The following TIAL1 variants were observed in gnomAD, a reference collection of about 807,000 sequenced individuals.
TIAL1 encodes the protein TIA1 cytotoxic granule associated RNA binding protein like 1.
TIAL1 carries 7 observed loss-of-function variants against 59.7 expected under a neutral mutation model. The observed-to-expected ratio is 0.12, with a 90% CI of 0.07 to 0.22. TIAL1 has a LOEUF of 0.22. TIAL1 is among the 10% of genes least tolerant of loss of function. The probability of loss-of-function intolerance (pLI) is 1.00; values close to 1 mark genes in which losing one functional copy is unlikely to be tolerated. For synonymous variants in TIAL1, 149 were observed against 146.3 expected, an observed-to-expected ratio of 1.02 and a Z score of -0.13; for missense variants, 225 against 462.5, an observed-to-expected ratio of 0.49 and a Z score of 4.71.
At position 119,574,464 on chromosome 10, in the gene TIAL1, A is replaced by G. The variant is rs1844861649; in HGVS notation, c.*1201T>C. 6.6e-6 allele frequency: 1 copy of G among 152,326 alleles called. No homozygotes were observed. The highest frequency in any genetic ancestry group is 6.6e-5 in the Admixed American group (1 of 15,228). 9.4% of individuals were successfully genotyped at this position (152,326 alleles called of 1,614,324 possible). A position where few individuals can be genotyped will look rare whatever the true frequency, so the allele number is the denominator to read the frequency against. On this transcript the variant is annotated 3_prime_UTR_variant, in exon 12 of 12. Transcript: ENST00000436547. The stretch of plus-strand genomic sequence containing the variant: ...TTAAAAAAATTCTTGGGCAAAATAT[A>G]TCTTAATTTTTAAAAACACCCCAAG...
chr10:119,596,593 T>C lies in TIAL1; in HGVS notation c.-128A>G. On this transcript the variant is annotated 5_prime_UTR_variant, in exon 1 of 12. Transcript: ENST00000436547. ...CAGAGGAAAAGGCACCGAACCCTGC[T>C]CTCGGGCTCTCTCCCCCCAGCCCGC... 1 of 705,174 alleles carries C rather than the reference T, an allele frequency of 1.4e-6. No homozygotes were observed. Among genetic ancestry groups the C allele is most frequent in the South Asian group, 1.8e-5 (1 of 55,120 alleles). 43.7% of individuals were successfully genotyped at this position (705,174 alleles called of 1,614,324 possible). A position where few individuals can be genotyped will look rare whatever the true frequency, so the allele number is the denominator to read the frequency against.
chr10:119,581,759 C>A, intron 5 of TIAL1, 163 bp downstream of exon 5: 1 of 545,908 alleles, frequency 1.8e-6, no homozygotes, highest in South Asian at 3.1e-5. Flanking sequence ...TTAACATTTT[C>A]AACAACATCC....
Position 119,588,157 on chromosome 10 carries a change from T to C in TIAL1, c.124A>G (p.Thr42Ala). The change falls in exon 2 of 12, where the codon ACA becomes GCA. Residue 42 changes from threonine (T) to alanine (A), a missense_variant. Thr to Ala is a moderately conservative substitution (Grantham distance 58). Around this residue, in one of 4 missense-constraint regions of TIAL1, gnomAD observed 39 missense variants for 59.5 expected, o/e 0.66. Coordinates refer to ENST00000436547, the MANE Select transcript of TIAL1 (RefSeq NM_003252.4). ...IGPCKSCKMI[T>A]EHTSNDPYCF... Reference sequence around the variant, plus strand: ...TGGAACTGGGAAGATCTTACCTCTGTTATCATTTTACAGCTTTTACAGGGT... The same window carrying C: ...TGGAACTGGGAAGATCTTACCTCTGCTATCATTTTACAGCTTTTACAGGGT... 6.4e-7 allele frequency: 1 copy of C among 1,559,674 alleles called. No homozygotes were observed.
chr10:119,587,153 T>C (rs1845607512), intron 2 of TIAL1, among the ~76,000 whole-genome samples: 2 of 152,228 alleles, frequency 1.3e-5, no homozygotes, highest in African/African-American at 4.8e-5. Flanking sequence ...AGTTCTCCGT[T>C]TCAGGATAAA....
At chr10:119,590,204 C>A (rs1264664869) in intron 1 of TIAL1, among the ~76,000 whole-genome samples, 2 of 152,196 alleles carry the variant, frequency 1.3e-5, no homozygotes, top group African/African-American at 4.8e-5. Context: ...AAGTGACAAA[C>A]TGTTTTACGT....
rs869281288 is a variant in TIAL1 at position 119,588,351 on chromosome 10, CTTT to C, written c.33-106_33-104del. ...CTTTTCTTTCTTTCTTTCTTTCTTTCTTTTTTTTTTAGATGGAGTTTTGCTCTT... is the reference window on the plus strand; with the variant it reads ...CTTTTCTTTCTTTCTTTCTTTCTTTCTTTTTTTAGATGGAGTTTTGCTCTT... On this transcript the variant is annotated intron_variant, in intron 1 of 11. Coordinates refer to ENST00000436547, the MANE Select transcript of TIAL1 (RefSeq NM_003252.4). 2.4e-5 allele frequency: 5 copies of C among 212,080 alleles called. No homozygotes were observed. In the South Asian group the frequency reaches 4.6e-4, roughly 20 times the overall value. The allele number at this position is 212,080 out of a possible 1,614,324, so 13.1% of individuals were successfully genotyped here.
intron 6 of TIAL1, among the ~76,000 whole-genome samples, chr10:119,579,647 CT>C (rs1845208796): frequency 6.6e-6 from 1 of 152,226 alleles, no homozygotes; most frequent in Non-Finnish European, 1.5e-5. Context: ...ATTAGCTCAT[CT>C]GTCCTAGACT....
intron 1 of TIAL1, among the ~76,000 whole-genome samples, chr10:119,589,721 GAGAGGACCACCTT>G (rs1358351910): frequency 6.6e-6 from 1 of 152,072 alleles, no homozygotes; most frequent in Non-Finnish European, 1.5e-5. Flanking sequence ...TCATCACACA[GAGAGGACCACCTT>G]GGTTTATGTC....
At position 119,577,567 on chromosome 10, in the gene TIAL1, C is replaced by A. The variant is rs758683473; in HGVS notation, c.653-32G>T. The A allele has an allele frequency of 3.1e-6, 5 of 1,608,436 alleles. No homozygotes were observed. The Admixed American group carries it at 8.3e-5, about 27-fold the overall frequency. ...AACAAAACATACAAATAAAACATGG[C>A]TGATGTGTATCATGAAATTCATATG... On this transcript the variant is annotated intron_variant, in intron 8 of 11. Transcript: ENST00000436547.
Position 119,577,141 on chromosome 10 carries a change from C to T in TIAL1, c.800G>A (p.Gly267Glu). 1 of 1,614,026 alleles carries T rather than the reference C, an allele frequency of 6.2e-7. No homozygotes were observed. Among genetic ancestry groups the T allele is most frequent in the Non-Finnish European group, 8.5e-7 (1 of 1,179,966 alleles). Residue 267 changes from glycine (G) to glutamate (E), a missense_variant, in exon 10 of 12, where the codon GGA becomes GAA. This residue lies in a region of TIAL1 where 80 missense variants were observed against 158.8 expected (regional missense o/e 0.50). Transcript: ENST00000436547. ...ACCCCAATAGCATTTAACCACATGT[C>T]CTTCAATCGTAGTACCGTTCACCGA... is the stretch of plus-strand genomic sequence containing the variant. ...IVSVNGTTIE[G>E]HVVKCYWGKE...
intron 6 of TIAL1, among the ~76,000 whole-genome samples, chr10:119,579,216 T>C (rs989591466): frequency 6.6e-6 from 1 of 152,108 alleles, no homozygotes; most frequent in African/African-American, 2.4e-5. Flanking sequence ...CACATGCTTG[T>C]AATCCCAGCT....
chr10:119,580,846 T>G, intron 5 of TIAL1: 1 of 1,242,824 alleles, frequency 8.0e-7, no homozygotes. Flanking sequence ...TATGAGCAAT[T>G]CTGCAAAATA....
At position 119,588,772 on chromosome 10, in the gene TIAL1, C is replaced by G. The variant is rs574375303; in HGVS notation, c.33-524G>C. Among the ~76,000 whole-genome samples, 68 of 152,324 alleles carry G rather than the reference C, an allele frequency of 4.5e-4. No homozygotes were observed. In the Middle Eastern group the frequency reaches 0.01, roughly 23 times the overall value. On this transcript the variant is annotated intron_variant, in intron 1 of 11. Coordinates refer to ENST00000436547, the MANE Select transcript of TIAL1 (RefSeq NM_003252.4). ...GTTCTTAGGCCACTAAAATACCACTCTGAAAGACATTTAAAGAACAAATCA... is the reference window on the plus strand; with the variant it reads ...GTTCTTAGGCCACTAAAATACCACTGTGAAAGACATTTAAAGAACAAATCA...
rs1210594910 is a variant in TIAL1 at position 119,578,711 on chromosome 10, G to C, written c.556+15C>G. 3.8e-6 allele frequency: 6 copies of C among 1,577,320 alleles called. No individual in the cohort carries two copies. Among genetic ancestry groups the C allele is most frequent in the Non-Finnish European group, 5.2e-6 (6 of 1,146,426 alleles). On this transcript the variant is annotated intron_variant, in intron 7 of 11. Transcript: ENST00000436547. Reference sequence around the variant, plus strand: ...GAAGAATATAATTTTAACACACACAGTGGACATATCTTACTTTCTTGTGTA... The same window carrying C: ...GAAGAATATAATTTTAACACACACACTGGACATATCTTACTTTCTTGTGTA...
chr10:119,577,592 G>C (rs776936474), intron 8 of TIAL1, 49 bp downstream of exon 8: 120 of 1,605,338 alleles, frequency 7.5e-5, no homozygotes, highest in Non-Finnish European at 1.0e-4. Flanking sequence ...AAATTCATAT[G>C]AACAGTGATG....
At chr10:119,595,995 G>T (rs761097938) in intron 1 of TIAL1, among the ~76,000 whole-genome samples, 1 of 151,990 alleles carries the variant, frequency 6.6e-6, no homozygotes, top group African/African-American at 2.4e-5. Context: ...TGGAAGGGGT[G>T]AGTGCTAATT....
intron 1 of TIAL1, among the ~76,000 whole-genome samples, chr10:119,592,941 A>C (rs1460776650): frequency 6.6e-6 from 1 of 152,196 alleles, no homozygotes; most frequent in Non-Finnish European, 1.5e-5. Context: ...TTGTTCTTAG[A>C]TGTTCAGATT....
intron 11 of TIAL1, among the ~76,000 whole-genome samples, chr10:119,576,077 A>AT (rs1439202617): frequency 1.3e-5 from 2 of 152,184 alleles, no homozygotes; most frequent in Non-Finnish European, 2.9e-5. Flanking sequence ...ATCATCTATT[A>AT]CATAAGAAAT....
Position 119,594,321 on chromosome 10 carries a change from T to C in TIAL1, c.32+2113A>G, listed in dbSNP as rs568685734. ...TATTATTCCCCTGGAGAAACTCTGATAGGGATGAAGGCAAGGCAGATGCAA... is the reference window on the plus strand; with the variant it reads ...TATTATTCCCCTGGAGAAACTCTGACAGGGATGAAGGCAAGGCAGATGCAA... On this transcript the variant is annotated intron_variant, in intron 1 of 11. Transcript: ENST00000436547. Among the ~76,000 whole-genome samples, 18 of 152,288 alleles carry C rather than the reference T, an allele frequency of 1.2e-4. No individual in the cohort carries two copies. In the South Asian group the frequency reaches 3.5e-3, roughly 30 times the overall value.
Sources: gnomAD v4.1 joint callset for allele counts (sites outside exome capture counted in the v4.1 genomes callset) on GRCh38, gnomAD v4.1.1 for gene constraint, gnomAD v4.1.1 regional missense constraint, MANE v1.5 for transcripts, NCBI Gene and HGNC (gene_info 2026-07-23, HGNC 2026-07-21) for gene names.